The following TPR variants were observed in gnomAD, a reference collection of about 807,000 sequenced individuals.
TPR encodes the protein translocated promoter region, nuclear basket protein.
Under a neutral mutation model 316.1 loss-of-function variants are expected in TPR, and 51 were observed. The observed-to-expected ratio is 0.16, with a 90% confidence interval of 0.13 to 0.20. The LOEUF (loss-of-function observed/expected upper bound fraction) is 0.20, where lower values mean the gene tolerates loss of function less well. Ranked by LOEUF, TPR falls within the 10% of genes least tolerant of loss-of-function variation. The probability of loss-of-function intolerance (pLI) is 1.00; values close to 1 mark genes in which losing one functional copy is unlikely to be tolerated. For synonymous variants in TPR, 981 were observed against 914.7 expected, an observed-to-expected ratio of 1.07 and a Z score of -1.31; for missense variants, 2,272 against 2,754.8, an observed-to-expected ratio of 0.82 and a Z score of 3.92.
chr1:186,374,908 C>G lies in TPR; in HGVS notation c.121G>C (p.Gly41Arg). The change falls in exon 1 of 51, where the codon GGG (glycine) becomes CGG (arginine). Residue 41 changes from glycine to arginine, a missense_variant. Around this residue, in one of 10 missense-constraint regions of TPR, gnomAD observed 549 missense variants for 598.6 expected, o/e 0.92. Transcript: ENST00000367478. ...DQQSEIDGLK[G>R]RHEKFKVESE... is the part of the protein sequence containing the mutation. Reference sequence around the variant, plus strand: ...TCCACCTTAAATTTCTCATGCCGCCCCTTCAGGCCATCGATCTCGGATTGC... The same window carrying G: ...TCCACCTTAAATTTCTCATGCCGCCGCTTCAGGCCATCGATCTCGGATTGC... 1 of 1,602,482 alleles carries G rather than the reference C, an allele frequency of 6.2e-7. No homozygotes were observed.
intron 49 of TPR, among the ~76,000 whole-genome samples, chr1:186,315,380 C>T (rs144104611): frequency 5.1e-4 from 77 of 152,228 alleles, no homozygotes; most frequent in African/African-American, 1.8e-3. Flanking sequence ...TCAAGTCCCT[C>T]AGCAAACAGC....
Position 186,338,134 on chromosome 1 carries a change from T to A in TPR, c.4261A>T (p.Ile1421Leu). 6.2e-7 allele frequency: 1 copy of A among 1,612,972 alleles called. No individual in the cohort carries two copies. Among genetic ancestry groups the A allele is most frequent in the Non-Finnish European group, 8.5e-7 (1 of 1,179,492 alleles). The change falls in exon 31 of 51, where the codon ATA becomes TTA. Residue 1421 changes from isoleucine to leucine, a missense_variant. Transcript: ENST00000367478. The stretch of plus-strand genomic sequence containing the variant: ...TTGACTTTTTCTTGGATATCAATTA[T>A]TTTGGCATCTAAGTCCTTCTGGATG... Reference protein sequence around the residue: ...ETIQKDLDAKIIDIQEKVKTI... With the variant: ...ETIQKDLDAKLIDIQEKVKTI...
In TPR at chr1:186,338,057, T is replaced by C. The variant is rs531540963; in HGVS notation, c.4338A>G (p.Glu1446=). ...KIGRRYKTQY[E]ELKAQQDKVM... is the part of the protein sequence containing the mutation. ...CCTTATCCTGTTGTGCTTTAAGTTC[T>C]TCATATTGAGTCTTGTACCTACGTC... The change falls in exon 31 of 51, where the codon GAA becomes GAG. Residue 1446 remains glutamate, a synonymous_variant. Coordinates refer to ENST00000367478, the MANE Select transcript of TPR (RefSeq NM_003292.3). 5.6e-6 allele frequency: 9 copies of C among 1,608,346 alleles called. No homozygotes were observed. The East Asian group carries it at 1.6e-4, about 28-fold the overall frequency.
rs373431730 is a variant in TPR at position 186,351,402 on chromosome 1, A to G, written c.2538T>C (p.His846=). The change falls in exon 20 of 51, where the codon CAT becomes CAC. Residue 846 remains histidine, a synonymous_variant. Coordinates refer to ENST00000367478, the MANE Select transcript of TPR (RefSeq NM_003292.3). ...ACTTCTTCTTTAGATGAGAGATCTCATGTTCCAGTTTTTCTATCTGGCTAC... is the reference window on the plus strand; with the variant it reads ...ACTTCTTCTTTAGATGAGAGATCTCGTGTTCCAGTTTTTCTATCTGGCTAC... The part of the protein sequence containing the change: ...RLSSQIEKLE[H]EISHLKKKLE... 7.9e-5 allele frequency: 128 copies of G among 1,612,422 alleles called. No homozygotes were observed. The highest frequency in any genetic ancestry group is 1.0e-4 in the Non-Finnish European group (123 of 1,179,342).
intron 49 of TPR, among the ~76,000 whole-genome samples, chr1:186,315,353 C>A (rs906968609): frequency 6.6e-6 from 1 of 151,810 alleles, no homozygotes; most frequent in African/African-American, 2.4e-5. Flanking sequence ...CTGAGAAATA[C>A]AACAGAAAAC....
chr1:186,343,536 G>T, intron 26 of TPR, 63 bp from the exon 27 acceptor site: 2 of 1,479,084 alleles, frequency 1.4e-6, no homozygotes, highest in Non-Finnish European at 1.8e-6. Context: ...ACAAAACGTA[G>T]GTAATTTGGT....
chr1:186,318,213 C>A (rs1160435222), intron 48 of TPR, among the ~76,000 whole-genome samples: 2 of 151,884 alleles, frequency 1.3e-5, no homozygotes, highest in Non-Finnish European at 2.9e-5. Flanking sequence ...CCTGTAATCC[C>A]AGCTACTTGG....
Position 186,312,708 on chromosome 1 carries a change from C to G in TPR, c.*1263G>C, listed in dbSNP as rs1657360048. On this transcript the variant is annotated 3_prime_UTR_variant, in exon 51 of 51. Coordinates refer to ENST00000367478, the MANE Select transcript of TPR (RefSeq NM_003292.3). ...GAGATTAAAACTCAGATGTCTGGCT[C>G]TTTCCAAGATAGTACATTGCCTTTT... 1 of 1,556,950 alleles carries G rather than the reference C, an allele frequency of 6.4e-7. No individual in the cohort carries two copies. Among genetic ancestry groups the G allele is most frequent in the African/African-American group, 1.4e-5 (1 of 73,672 alleles).
At position 186,365,071 on chromosome 1, in the gene TPR, CAG is replaced by C; in HGVS notation, c.428-1628_428-1627del. Among the ~76,000 whole-genome samples the C allele has an allele frequency of 2.0e-5, 3 of 149,522 alleles. 1 individual carries two copies. The highest frequency in any genetic ancestry group is 6.7e-5 in the Admixed American group (1 of 14,984). On this transcript the variant is annotated intron_variant, in intron 4 of 50. Coordinates refer to ENST00000367478, the MANE Select transcript of TPR (RefSeq NM_003292.3). The stretch of plus-strand genomic sequence containing the variant: ...TCCACTCATGCTTTGTCCCTAAAGT[CAG>C]AAAGTACCTTGCTAGTAAAGGGGCT...
chr1:186,311,704 C>A lies in TPR; in HGVS notation c.*2267G>T, dbSNP rs1657253388. 8 of 1,180,958 alleles carry A rather than the reference C, an allele frequency of 6.8e-6. No homozygotes were observed. The highest frequency in any genetic ancestry group is 8.6e-6 in the Non-Finnish European group (7 of 817,286). The allele number at this position is 1,180,958 out of a possible 1,614,324, so 73.2% of individuals were successfully genotyped here. A position where few individuals can be genotyped will look rare whatever the true frequency, so the allele number is the denominator to read the frequency against. On this transcript the variant is annotated 3_prime_UTR_variant, in exon 51 of 51. Coordinates refer to ENST00000367478, the MANE Select transcript of TPR (RefSeq NM_003292.3). Reference sequence around the variant, plus strand: ...AAAAGATATCTTTAATGGCTGAAATCAAATATTTTCAGTGAAAAAAATCAA... The same window carrying A: ...AAAAGATATCTTTAATGGCTGAAATAAAATATTTTCAGTGAAAAAAATCAA...
Position 186,335,379 on chromosome 1 carries a change from G to A in TPR, c.4870C>T (p.His1624Tyr), listed in dbSNP as rs1658308788. 1.2e-6 allele frequency: 2 copies of A among 1,613,654 alleles called. No homozygotes were observed. The highest frequency in any genetic ancestry group is 2.2e-5 in the South Asian group (2 of 91,064). The change falls in exon 34 of 51, where the codon CAC becomes TAC. Residue 1624 changes from histidine to tyrosine, a missense_variant. Physicochemically the swap from His to Tyr is moderately conservative, Grantham distance 83. This residue lies in a region of TPR where 109 missense variants were observed against 215.3 expected (regional missense o/e 0.51). Transcript: ENST00000367478. ...ERELREHQER[H>Y]LEQRDEPQEP... ...TGAGGCTCATCTCTCTGCTCAAGGTGTCTCTCTTGATGCTCCCTGAGTTCT... is the reference window on the plus strand; with the variant it reads ...TGAGGCTCATCTCTCTGCTCAAGGTATCTCTCTTGATGCTCCCTGAGTTCT...
intron 3 of TPR, among the ~76,000 whole-genome samples, chr1:186,369,964 A>T (rs532812943): frequency 5.2e-4 from 79 of 152,148 alleles, no homozygotes; most frequent in Admixed American, 5.2e-3. Context: ...TTACAGATCC[A>T]TAGTTTTTAC....
chr1:186,316,804 T>A (rs1334021470), intron 49 of TPR, among the ~76,000 whole-genome samples: 1 of 152,172 alleles, frequency 6.6e-6, no homozygotes, highest in East Asian at 1.9e-4. Context: ...GTTGCGAGAA[T>A]CAAATAAGGA....
In TPR at chr1:186,355,473, T is replaced by C. The variant is rs774088146; in HGVS notation, c.2108A>G (p.Gln703Arg). 4.3e-6 allele frequency: 7 copies of C among 1,612,966 alleles called. No individual in the cohort carries two copies. Among genetic ancestry groups the C allele is most frequent in the South Asian group, 2.2e-5 (2 of 90,550 alleles). ...ATTTTGTGATCGCAAATCTGTAACT[T>C]GTTCTTGAAGTTTCTCAAGCTGCTC... ...QNEQLEKLQEQVTDLRSQNTK... is the reference protein window; with the variant it reads ...QNEQLEKLQERVTDLRSQNTK... Residue 703 changes from glutamine (Q) to arginine (R), a missense_variant, in exon 17 of 51, where the codon CAA becomes CGA. This residue lies in a region of TPR where 757 missense variants were observed against 859.8 expected (regional missense o/e 0.88). Coordinates refer to ENST00000367478, the MANE Select transcript of TPR (RefSeq NM_003292.3).
At position 186,326,275 on chromosome 1, in the gene TPR, T is replaced by TAA. The variant is rs1274113565; in HGVS notation, c.5890-41_5890-40insTT. ...CCCAGGCATAAATAAAAGTTTAGAA[T>TAA]ATGGCCCACATGCTCTGCATGTCTA... is the stretch of plus-strand genomic sequence containing the variant. On this transcript the variant is annotated intron_variant, in intron 40 of 50. Transcript: ENST00000367478. The TAA allele has an allele frequency of 2.6e-6, 4 of 1,565,580 alleles. No individual in the cohort carries two copies. In the South Asian group the frequency reaches 4.6e-5, roughly 18 times the overall value.
At chr1:186,368,200 A>AT (rs1252085700) in intron 3 of TPR, among the ~76,000 whole-genome samples, 1 of 152,190 alleles carries the variant, frequency 6.6e-6, no homozygotes, top group African/African-American at 2.4e-5. Context: ...AATTTTTCTC[A>AT]TATCTCTTTT....
chr1:186,319,284 T>A (rs1049271396), intron 46 of TPR, among the ~76,000 whole-genome samples: 1 of 152,202 alleles, frequency 6.6e-6, no homozygotes, highest in African/African-American at 2.4e-5. Flanking sequence ...CCACTGCACC[T>A]GGCCTCAAAA....
intron 12 of TPR, 60 bp downstream of exon 12, chr1:186,359,739 C>T: frequency 6.6e-7 from 1 of 1,505,258 alleles, no homozygotes; most frequent in Non-Finnish European, 8.9e-7. Context: ...AAAAAAATAC[C>T]TAGTAAATCA....
At chr1:186,364,748 G>A (rs1659286312) in intron 4 of TPR, among the ~76,000 whole-genome samples, 1 of 152,158 alleles carries the variant, frequency 6.6e-6, no homozygotes, top group South Asian at 2.1e-4. Context: ...CATTGAGAAA[G>A]GTTATATGCC....
Sources: allele counts gnomAD v4.1 joint callset (sites outside exome capture counted in the v4.1 genomes callset), GRCh38; gene constraint gnomAD v4.1.1; regional missense constraint gnomAD v4.1.1; transcripts MANE v1.5; gene names NCBI Gene and HGNC (gene_info 2026-07-23, HGNC 2026-07-21).